IFT122: variants seen among roughly 807,000 people sequenced by gnomAD.
The protein encoded by IFT122 is intraflagellar transport 122.
Under a neutral mutation model 161.6 loss-of-function variants are expected in IFT122, and 118 were observed. That is an observed-to-expected ratio of 0.73 (90% CI 0.63 to 0.85). The LOEUF (loss-of-function observed/expected upper bound fraction) is 0.85, where lower values mean the gene tolerates loss of function less well. IFT122 is among the 40% of genes least tolerant of loss of function. IFT122 has a pLI of 0.00. For synonymous variants in IFT122, 550 were observed against 602.4 expected, an observed-to-expected ratio of 0.91 and a Z score of 1.27; for missense variants, 1,381 against 1,579.6, an observed-to-expected ratio of 0.87 and a Z score of 2.13.
At chr3:129,458,943 A>G (rs1300103837) in intron 4 of IFT122, among the ~76,000 whole-genome samples, 1 of 151,862 alleles carries the variant, frequency 6.6e-6, no homozygotes, top group Non-Finnish European at 1.5e-5. Flanking sequence ...ACTTTATCCC[A>G]CCCCCAACCT....
intron 3 of IFT122, among the ~76,000 whole-genome samples, chr3:129,455,328 A>G (rs958287696): frequency 2.6e-5 from 4 of 152,024 alleles, no homozygotes; most frequent in African/African-American, 9.7e-5. Context: ...ACGCGCCACC[A>G]TGCCTAGCTA....
intron 9 of IFT122, among the ~76,000 whole-genome samples, chr3:129,475,343 CG>C (rs766330462): frequency 1.1e-4 from 16 of 152,182 alleles, no homozygotes; most frequent in Non-Finnish European, 1.9e-4. Flanking sequence ...AAAGGTTCAA[CG>C]TAGAGTTTAA....
chr3:129,440,462 G>C lies in IFT122; in HGVS notation c.41+91G>C, dbSNP rs75470793. 8 of 1,461,696 alleles carry C rather than the reference G, an allele frequency of 5.5e-6. No individual in the cohort carries two copies. The East Asian group carries it at 1.5e-4, about 27-fold the overall frequency. The allele number at this position is 1,461,696 out of a possible 1,614,324, so 90.5% of individuals were successfully genotyped here. On this transcript the variant is annotated intron_variant, in intron 1 of 29. Transcript: ENST00000348417. ...GCAGCGTGTTTGAGGGGGGCAGCGG[G>C]CTTGCTGCCTGGGCCGAGGGCACTG...
chr3:129,476,657 C>G lies in IFT122; in HGVS notation c.1009-6C>G. 1.9e-6 allele frequency: 3 copies of G among 1,614,220 alleles called. No individual in the cohort carries two copies. Among genetic ancestry groups the G allele is most frequent in the Non-Finnish European group, 2.5e-6 (3 of 1,180,052 alleles). On this transcript the variant is annotated splice_polypyrimidine_tract_variant and splice_region_variant and intron_variant, in intron 10 of 29. Transcript: ENST00000348417. ...GCTGGGAATTGACAGTTCTCTCACC[C>G]CGCAGGTGGTCGGCTGCCAGGACGG... is the stretch of plus-strand genomic sequence containing the variant.
At chr3:129,448,117 A>C (rs961168573) in intron 1 of IFT122, among the ~76,000 whole-genome samples, 1 of 152,148 alleles carries the variant, frequency 6.6e-6, no homozygotes, top group African/African-American at 2.4e-5. Flanking sequence ...CTTCTTCATT[A>C]ATCTTTTTCT....
At chr3:129,519,477 C>T in intron 28 of IFT122, 91 bp from the exon 29 acceptor site, 2 of 1,545,730 alleles carry the variant, frequency 1.3e-6, no homozygotes, top group African/African-American at 1.4e-5. Context: ...TCCTCTCTCA[C>T]CACTGCCAAA....
In IFT122 at chr3:129,458,458, C is replaced by T; in HGVS notation, c.194-141C>T. On this transcript the variant is annotated intron_variant, in intron 3 of 29. Coordinates refer to ENST00000348417, the MANE Select transcript of IFT122 (RefSeq NM_052989.3). ...ACCCAAATATTCTGACTCCAAGGTC[C>T]TGCCTCCCAGTACTGATAAGAACTA... The T allele has an allele frequency of 1.2e-5, 9 of 721,864 alleles. 1 individual carries two copies. In the South Asian group the frequency reaches 1.4e-4, roughly 11 times the overall value. The allele number at this position is 721,864 out of a possible 1,614,324, so 44.7% of individuals were successfully genotyped here. A position where few individuals can be genotyped will look rare whatever the true frequency, so the allele number is the denominator to read the frequency against.
Position 129,449,785 on chromosome 3 carries a change from A to C in IFT122, c.42-86A>C. ...CCTCAGTACACACACAGTGTTTCTT[A>C]ATGGCAATAAAGTTTACTTTCCTGG... On this transcript the variant is annotated intron_variant, in intron 1 of 29. Transcript: ENST00000348417. 4 of 899,840 alleles carry C rather than the reference A, an allele frequency of 4.4e-6. No individual in the cohort carries two copies. The Admixed American group carries it at 6.8e-5, about 15-fold the overall frequency. The allele number at this position is 899,840 out of a possible 1,614,324, so 55.7% of individuals were successfully genotyped here.
Position 129,440,253 on chromosome 3 carries a change from TGGC to T in IFT122, c.-76_-74del, listed in dbSNP as rs1197396428. On this transcript the variant is annotated 5_prime_UTR_variant, in exon 1 of 30. Coordinates refer to ENST00000348417, the MANE Select transcript of IFT122 (RefSeq NM_052989.3). ...CAGGTAGCCAAAGTGGCTTGTGGAG[TGGC>T]GACCGTTAGTGAGGCGGTTGCTGAG... is the stretch of plus-strand genomic sequence containing the variant. The T allele has an allele frequency of 1.3e-6, 2 of 1,532,026 alleles. No individual in the cohort carries two copies. The highest frequency in any genetic ancestry group is 1.8e-6 in the Non-Finnish European group (2 of 1,134,874). 94.9% of individuals were successfully genotyped at this position (1,532,026 alleles called of 1,614,324 possible).
intron 2 of IFT122, among the ~76,000 whole-genome samples, chr3:129,451,409 TACCATGC>T (rs1206146660): frequency 6.6e-6 from 1 of 152,152 alleles, no homozygotes; most frequent in Admixed American, 6.5e-5. Flanking sequence ...AGGAGTGAGC[TACCATGC>T]CTGGCCTACA....
Position 129,515,249 on chromosome 3 carries a change from G to A in IFT122, c.3154-239G>A, listed in dbSNP as rs1282594766. ...TGCCAGGGGAAAAGTGCCGTTGAGC[G>A]CTGCCTGTGCAGGTGTCTTGGGCAC... is the stretch of plus-strand genomic sequence containing the variant. On this transcript the variant is annotated intron_variant, in intron 25 of 29. Coordinates refer to ENST00000348417, the MANE Select transcript of IFT122 (RefSeq NM_052989.3). 3.3e-5 allele frequency: 20 copies of A among 605,412 alleles called. 1 individual carries two copies. Among genetic ancestry groups the A allele is most frequent in the South Asian group, 2.0e-4 (10 of 50,894 alleles). The allele number at this position is 605,412 out of a possible 1,614,324, so 37.5% of individuals were successfully genotyped here. A position where few individuals can be genotyped will look rare whatever the true frequency, so the allele number is the denominator to read the frequency against.
intron 9 of IFT122, among the ~76,000 whole-genome samples, chr3:129,472,427 A>G (rs2077460384): frequency 6.6e-6 from 1 of 152,094 alleles, no homozygotes; most frequent in Non-Finnish European, 1.5e-5. Flanking sequence ...GGCTTCCCAA[A>G]CTGCTGGGAA....
chr3:129,519,118 C>G lies in IFT122; in HGVS notation c.3403C>G (p.Leu1135Val). Residue 1135 changes from leucine (L) to valine (V), a missense_variant, in exon 28 of 30, where the codon CTG becomes GTG. This residue lies in a region of IFT122 where 177 missense variants were observed against 199.2 expected (regional missense o/e 0.89). Coordinates refer to ENST00000348417, the MANE Select transcript of IFT122 (RefSeq NM_052989.3). ...LEIANNSSQI[L>V]RLVETKDSIG... is the part of the protein sequence containing the mutation. ...CCAGATCCCTCCAGGCTCCCAGATT[C>G]TGCGGCTAGTGGAGACCAAGGACTC... The G allele has an allele frequency of 6.2e-7, 1 of 1,614,070 alleles. No individual in the cohort carries two copies. The highest frequency in any genetic ancestry group is 8.5e-7 in the Non-Finnish European group (1 of 1,179,940).
intron 3 of IFT122, among the ~76,000 whole-genome samples, chr3:129,455,902 G>A (rs1316621279): frequency 1.1e-5 from 1 of 89,868 alleles, no homozygotes; most frequent in African/African-American, 7.8e-5. Context: ...ATAGGCTGAG[G>A]AGGAGGAGGA....
intron 17 of IFT122, among the ~76,000 whole-genome samples, chr3:129,495,172 T>C (rs2080689825): frequency 6.6e-6 from 1 of 152,210 alleles, no homozygotes; most frequent in South Asian, 2.1e-4. Flanking sequence ...GTCATAGCCT[T>C]GGAATACACA....
intron 23 of IFT122, 54 bp from the exon 24 acceptor site, chr3:129,512,258 C>A: frequency 7.7e-7 from 1 of 1,301,804 alleles, no homozygotes; most frequent in South Asian, 1.2e-5. Flanking sequence ...TTTGGCCTGG[C>A]CCAGCAGCAG....
In IFT122 at chr3:129,451,389, T is replaced by C. The variant is rs140176274; in HGVS notation, c.109-525T>C. 4.7e-4 allele frequency among the ~76,000 whole-genome samples: 71 copies of C among 152,264 alleles called. 1 individual carries two copies. In the East Asian group the frequency reaches 0.013, roughly 28 times the overall value. On this transcript the variant is annotated intron_variant, in intron 2 of 29. Coordinates refer to ENST00000348417, the MANE Select transcript of IFT122 (RefSeq NM_052989.3). Reference sequence around the variant, plus strand: ...CCTCCCACTTCAGCCTCCCAGAGTGTTGGGATGACAGGAGTGAGCTACCAT... The same window carrying C: ...CCTCCCACTTCAGCCTCCCAGAGTGCTGGGATGACAGGAGTGAGCTACCAT...
rs997886218 is a variant in IFT122 at position 129,464,740 on chromosome 3, C to T, written c.522C>T (p.Gly174=). The part of the protein sequence containing the change: ...EEKVKIERPG[G]SLSPIWSICW... ...AAGTAAAGATCGAGCGGCCGGGGGG[C>T]TCCCTCTCGCCAATATGGTCCATCT... Residue 174 remains glycine, a synonymous_variant, in exon 7 of 30, where the codon GGC becomes GGT. Transcript: ENST00000348417. 1 of 1,613,970 alleles carries T rather than the reference C, an allele frequency of 6.2e-7. No homozygotes were observed. Among genetic ancestry groups the T allele is most frequent in the African/African-American group, 1.3e-5 (1 of 74,892 alleles).
chr3:129,464,696 A>G lies in IFT122; in HGVS notation c.478A>G (p.Asn160Asp), dbSNP rs199886551. The G allele has an allele frequency of 2.5e-4, 407 of 1,614,118 alleles. No individual in the cohort carries two copies. Among genetic ancestry groups the G allele is most frequent in the Middle Eastern group, 6.6e-4 (4 of 6,062 alleles). The change falls in exon 7 of 30, where the codon AAC (asparagine) becomes GAC (aspartate). Residue 160 changes from asparagine to aspartate, a missense_variant. Coordinates refer to ENST00000348417, the MANE Select transcript of IFT122 (RefSeq NM_052989.3). ...GMFNGIISIR[N>D]KNGEEKVKIE... ...GTTCAATGGGATCATCAGCATACGG[A>G]ACAAAAATGGCGAGGAGAAAGTAAA...
Sources: allele counts gnomAD v4.1 joint callset (sites outside exome capture counted in the v4.1 genomes callset), GRCh38; gene constraint gnomAD v4.1.1; regional missense constraint gnomAD v4.1.1; transcripts MANE v1.5; gene names NCBI Gene and HGNC (gene_info 2026-07-23, HGNC 2026-07-21).